The following KALRN variants were observed in gnomAD, a reference collection of about 807,000 sequenced individuals.
KALRN encodes the protein kalirin.
A neutral mutation model predicts 353.7 loss-of-function variants in KALRN; 70 were observed. The observed-to-expected ratio is 0.20, with a 90% confidence interval of 0.16 to 0.24. The LOEUF (loss-of-function observed/expected upper bound fraction) is 0.24. KALRN is among the 10% of genes least tolerant of loss of function. The pLI is 1.00. For synonymous variants in KALRN, 1,391 were observed against 1,434.8 expected, an observed-to-expected ratio of 0.97 and a Z score of 0.69; for missense variants, 2,791 against 3,756.7, an observed-to-expected ratio of 0.74 and a Z score of 6.72.
At chr3:124,595,046 G>T (rs1025723257) in intron 34 of KALRN, among the ~76,000 whole-genome samples, 1 of 151,664 alleles carries the variant, frequency 6.6e-6, no homozygotes, top group African/African-American at 2.4e-5. Context: ...ACTAGGAAGA[G>T]AACCTTGATT....
chr3:124,133,646 C>A (rs1196787837), intron 1 of KALRN, among the ~76,000 whole-genome samples: 3 of 152,194 alleles, frequency 2.0e-5, no homozygotes, highest in Non-Finnish European at 2.9e-5. Context: ...ATTGCCAAGT[C>A]CCCTATCGTT....
At chr3:124,659,058 T>C (rs1315369270) in intron 42 of KALRN, among the ~76,000 whole-genome samples, 1 of 150,636 alleles carries the variant, frequency 6.6e-6, no homozygotes, top group Non-Finnish European at 1.5e-5. Context: ...TCCCTGCCTT[T>C]GCCCTGAAGT....
chr3:124,206,210 A>ACCCTTTCTATTCAGT (rs2076395900), intron 1 of KALRN, among the ~76,000 whole-genome samples: 1 of 152,196 alleles, frequency 6.6e-6, no homozygotes, highest in Non-Finnish European at 1.5e-5. Context: ...GGTTGATGAC[A>ACCCTTTCTATTCAGT]ACCCAGGACT....
chr3:124,390,532 A>G (rs2089201107), intron 11 of KALRN, among the ~76,000 whole-genome samples: 1 of 152,212 alleles, frequency 6.6e-6, no homozygotes, highest in Non-Finnish European at 1.5e-5. Context: ...AAGAACAAAA[A>G]TAGCCTTATC....
At chr3:124,378,385 C>T (rs767499632) in intron 10 of KALRN, among the ~76,000 whole-genome samples, 4 of 152,028 alleles carry the variant, frequency 2.6e-5, no homozygotes, top group African/African-American at 9.7e-5. Flanking sequence ...TACCATAAAT[C>T]CCACACTACA....
chr3:124,609,744 T>C (rs1479343741), intron 34 of KALRN, among the ~76,000 whole-genome samples: 2 of 152,196 alleles, frequency 1.3e-5, no homozygotes, highest in African/African-American at 4.8e-5. Flanking sequence ...TTCACTGCCA[T>C]TTAATAGTCA....
At chr3:124,487,277 CT>C (rs2062666842) in intron 28 of KALRN, among the ~76,000 whole-genome samples, 1 of 152,212 alleles carries the variant, frequency 6.6e-6, no homozygotes, top group Non-Finnish European at 1.5e-5. Context: ...TGGAAATGAT[CT>C]TTCCTCCACC....
intron 1 of KALRN, among the ~76,000 whole-genome samples, chr3:124,097,549 C>T (rs1182501243): frequency 6.6e-6 from 1 of 152,170 alleles, no homozygotes; most frequent in Admixed American, 6.5e-5. Context: ...GTATGCTGGC[C>T]TGAGTCACTC....
At chr3:124,662,060 G>A (rs888439880) in intron 45 of KALRN, 132 bp downstream of exon 45, 6 of 723,328 alleles carry the variant, frequency 8.3e-6, no homozygotes, top group South Asian at 6.4e-5. Flanking sequence ...CTTCCTACCC[G>A]GGCCCCTCTG....
At chr3:124,451,049 T>A (rs1454015433) in intron 21 of KALRN, among the ~76,000 whole-genome samples, 1 of 152,052 alleles carries the variant, frequency 6.6e-6, no homozygotes, top group Non-Finnish European at 1.5e-5. Flanking sequence ...ATAAGGAATA[T>A]CAATATTCCT....
intron 6 of KALRN, among the ~76,000 whole-genome samples, chr3:124,311,378 GCT>G (rs2078256540): frequency 6.6e-6 from 1 of 151,310 alleles, no homozygotes; most frequent in Non-Finnish European, 1.5e-5. Flanking sequence ...CAGGAGAATC[GCT>G]TGAACTCAGG....
intron 33 of KALRN, among the ~76,000 whole-genome samples, chr3:124,556,242 T>C (rs1007654455): frequency 1.3e-5 from 2 of 152,212 alleles, no homozygotes; most frequent in Non-Finnish European, 2.9e-5. Context: ...TTGCAGTTAG[T>C]AGAAGCCACA....
chr3:124,519,842 T>C, intron 33 of KALRN: 1 of 985,418 alleles, frequency 1.0e-6, no homozygotes, highest in Non-Finnish European at 1.2e-6. Context: ...ATAAAATGAT[T>C]CTAAAGCAGG....
intron 33 of KALRN, among the ~76,000 whole-genome samples, chr3:124,548,264 G>A (rs961129929): frequency 6.6e-6 from 1 of 152,148 alleles, no homozygotes; most frequent in Non-Finnish European, 1.5e-5. Flanking sequence ...AAACTATCTG[G>A]CTGCTCTCAA....
intron 34 of KALRN, among the ~76,000 whole-genome samples, chr3:124,592,668 T>A (rs2075916631): frequency 6.6e-6 from 1 of 152,162 alleles, no homozygotes; most frequent in African/African-American, 2.4e-5. Context: ...TGGTGCTGGA[T>A]GTTTCACTGA....
chr3:124,655,798 A>AAAATGGT (rs2083948796), intron 39 of KALRN, 131 bp downstream of exon 39: 1 of 677,036 alleles, frequency 1.5e-6, no homozygotes, highest in East Asian at 2.5e-5. Context: ...AATGAAAATA[A>AAAATGGT]AAATGGTAAT....
rs1275333751 is a variant in KALRN at position 124,033,405 on chromosome 3, C to T, written c.-336C>T. Among the ~76,000 whole-genome samples the T allele has an allele frequency of 6.6e-6, 1 of 151,812 alleles. No homozygotes were observed. Among genetic ancestry groups the T allele is most frequent in the Non-Finnish European group, 1.5e-5 (1 of 67,888 alleles). On this transcript the variant is annotated 5_prime_UTR_variant, in exon 1 of 60. Transcript: ENST00000682506. This position sits in a 1 kb window ranked among gnomAD's most constrained non-coding sequence, Gnocchi z 6.2. Reference sequence around the variant, plus strand: ...GCAGACGGGCGAGCAGGAGAGCCAGCTGCCGCTGCTGGGGGACAGCGGGCG... The same window carrying T: ...GCAGACGGGCGAGCAGGAGAGCCAGTTGCCGCTGCTGGGGGACAGCGGGCG...
At chr3:124,457,317 G>A (rs974144035) in intron 23 of KALRN, among the ~76,000 whole-genome samples, 12 of 149,680 alleles carry the variant, frequency 8.0e-5, no homozygotes, top group African/African-American at 2.7e-4. Flanking sequence ...TGATCTGCCC[G>A]CCTCAGCCTC....
intron 1 of KALRN, among the ~76,000 whole-genome samples, chr3:124,043,056 G>A (rs1051868993): frequency 6.6e-6 from 1 of 152,150 alleles, no homozygotes; most frequent in Admixed American, 6.5e-5. Flanking sequence ...GGAAACACAG[G>A]TGATCAACAG....
Sources: gnomAD v4.1 joint callset for allele counts (sites outside exome capture counted in the v4.1 genomes callset) on GRCh38, gnomAD v4.1.1 for gene constraint, Gnocchi (gnomAD v3.1) non-coding constraint, MANE v1.5 for transcripts, NCBI Gene and HGNC (gene_info 2026-07-23, HGNC 2026-07-21) for gene names.